Variants in IL1RAPL2 observed in about 807,000 individuals in gnomAD.
The protein encoded by IL1RAPL2 is interleukin 1 receptor accessory protein like 2, also known as X-linked interleukin-1 receptor accessory protein-like 2.
A neutral mutation model predicts 44.1 loss-of-function variants in IL1RAPL2; 3 were observed. The observed-to-expected ratio is 0.07, with a 90% CI of 0.03 to 0.18. The LOEUF (loss-of-function observed/expected upper bound fraction) is 0.18, where lower values mean the gene tolerates loss of function less well. IL1RAPL2 is among the 10% of genes least tolerant of loss of function. The probability of loss-of-function intolerance (pLI) is 1.00; values close to 1 mark genes in which losing one functional copy is unlikely to be tolerated. For missense variants in IL1RAPL2, 391 were observed against 496.4 expected (o/e 0.79, Z 2.02); for synonymous variants, 181 against 178.8 (o/e 1.01, Z -0.10).
chrX:105,133,630 T>C (rs1279166952), intron 2 of IL1RAPL2, among the ~76,000 whole-genome samples: 1 of 111,522 alleles, frequency 9.0e-6, no homozygotes, highest in Non-Finnish European at 1.9e-5. Flanking sequence ...GACTGGGTAA[T>C]TACTAAACAA....
chrX:104,645,496 C>T (rs1001212879), intron 1 of IL1RAPL2, among the ~76,000 whole-genome samples: 1 of 111,919 alleles, frequency 8.9e-6, no homozygotes, highest in Non-Finnish European at 1.9e-5. Context: ...AGGCTATTAC[C>T]TCTTTTTAGA....
intron 3 of IL1RAPL2, among the ~76,000 whole-genome samples, chrX:105,205,755 A>T (rs558574735): frequency 1.9e-5 from 2 of 107,215 alleles, no homozygotes; most frequent in Non-Finnish European, 3.8e-5. Flanking sequence ...TAAAAAGTTG[A>T]TTTTTAAATT....
At chrX:105,313,728 T>C (rs1019045685) in intron 5 of IL1RAPL2, among the ~76,000 whole-genome samples, 1 of 111,778 alleles carries the variant, frequency 8.9e-6, no homozygotes, top group African/African-American at 3.2e-5. Flanking sequence ...TTTTTACAGA[T>C]TTTGTTTAGG....
chrX:105,704,610 ATTTTC>A (rs1161634025), intron 6 of IL1RAPL2, among the ~76,000 whole-genome samples: 7 of 111,217 alleles, frequency 6.3e-5, no homozygotes, highest in African/African-American at 2.3e-4. Context: ...AGAAGCAGCA[ATTTTC>A]TTTTCTTTTA....
At chrX:105,758,923 A>AGCT (rs751512671) in intron 10 of IL1RAPL2, among the ~76,000 whole-genome samples, 1 of 111,931 alleles carries the variant, frequency 8.9e-6, no homozygotes, top group African/African-American at 3.2e-5. Flanking sequence ...TCACCCATGC[A>AGCT]GCTGCTGGTT....
At chrX:104,768,277 A>G (rs1182150895) in intron 2 of IL1RAPL2, among the ~76,000 whole-genome samples, 1 of 111,356 alleles carries the variant, frequency 9.0e-6, no homozygotes, top group African/African-American at 3.3e-5. Context: ...AGCATGTGTG[A>G]TTATTAGAGT....
intron 2 of IL1RAPL2, among the ~76,000 whole-genome samples, chrX:105,166,503 T>C (rs1192237204): frequency 3.6e-5 from 4 of 112,188 alleles, no homozygotes; most frequent in African/African-American, 1.3e-4. Flanking sequence ...ACTGTGCTAT[T>C]TGGAGGAAAG....
At chrX:104,715,475 T>A (rs1011305343) in intron 2 of IL1RAPL2, among the ~76,000 whole-genome samples, 11 of 107,599 alleles carry the variant, frequency 1.0e-4, no homozygotes, top group African/African-American at 3.7e-4. Context: ...GGTTTTTGTG[T>A]CTCTATCTCC....
chrX:104,845,027 A>C (rs1344020883), intron 2 of IL1RAPL2, among the ~76,000 whole-genome samples: 8 of 111,901 alleles, frequency 7.1e-5, no homozygotes, highest in Non-Finnish European at 1.1e-4. Flanking sequence ...CCCTTCCAAC[A>C]AAGTTTTGAC....
intron 2 of IL1RAPL2, among the ~76,000 whole-genome samples, chrX:104,717,407 T>C (rs1184629452): frequency 9.6e-6 from 1 of 104,050 alleles, no homozygotes; most frequent in Non-Finnish European, 2.0e-5. Context: ...AGTTTATCTA[T>C]GTAACAAACC....
At chrX:105,255,544 A>G (rs1016007834) in intron 4 of IL1RAPL2, among the ~76,000 whole-genome samples, 2 of 112,232 alleles carry the variant, frequency 1.8e-5, no homozygotes, top group Non-Finnish European at 3.8e-5. Context: ...CAGCTGAAGG[A>G]GCTTTTGGGC....
intron 2 of IL1RAPL2, among the ~76,000 whole-genome samples, chrX:104,924,609 A>C (rs1924730208): frequency 8.9e-6 from 1 of 111,973 alleles, no homozygotes; most frequent in African/African-American, 3.2e-5. Flanking sequence ...CTTTTGGGTA[A>C]ACAACAAATG....
chrX:104,824,302 A>G (rs1434725210), intron 2 of IL1RAPL2, among the ~76,000 whole-genome samples: 1 of 111,927 alleles, frequency 8.9e-6, no homozygotes, highest in Non-Finnish European at 1.9e-5. Context: ...TATTTTACTG[A>G]GGATTTTTGC....
chrX:105,483,734 G>A (rs1205750811), intron 5 of IL1RAPL2, among the ~76,000 whole-genome samples: 1 of 111,697 alleles, frequency 9.0e-6, no homozygotes, highest in Non-Finnish European at 1.9e-5. Context: ...GTTATAAATT[G>A]AGGGCAAAGA....
chrX:104,601,311 G>A (rs974101793), intron 1 of IL1RAPL2, among the ~76,000 whole-genome samples: 2 of 105,763 alleles, frequency 1.9e-5, no homozygotes, highest in African/African-American at 3.5e-5. Flanking sequence ...CGTGTGTGAT[G>A]TTCCCCTTCC....
intron 3 of IL1RAPL2, among the ~76,000 whole-genome samples, chrX:105,214,311 G>A (rs2033833568): frequency 9.5e-6 from 1 of 104,957 alleles, no homozygotes; most frequent in African/African-American, 3.5e-5. Context: ...AAGAAGCAAG[G>A]GTTGCAATCC....
chrX:105,158,314 G>A (rs1569394756), intron 2 of IL1RAPL2, among the ~76,000 whole-genome samples: 1 of 110,571 alleles, frequency 9.0e-6, no homozygotes, highest in African/African-American at 3.3e-5. Flanking sequence ...AGCCGAGATC[G>A]CGCCACTGCA....
At chrX:104,956,560 C>T (rs2029904396) in intron 2 of IL1RAPL2, among the ~76,000 whole-genome samples, 1 of 107,467 alleles carries the variant, frequency 9.3e-6, no homozygotes, top group Admixed American at 1.0e-4. Flanking sequence ...ATTGCTTGAA[C>T]CTGCGAGGTG....
At chrX:104,720,373 A>G (rs1489136994) in intron 2 of IL1RAPL2, among the ~76,000 whole-genome samples, 1 of 112,023 alleles carries the variant, frequency 8.9e-6, no homozygotes, top group Non-Finnish European at 1.9e-5. Context: ...GAATATCATT[A>G]AAACCTATAA....
Sources: gnomAD v4.1 joint callset for allele counts (sites outside exome capture counted in the v4.1 genomes callset) on GRCh38, gnomAD v4.1.1 for gene constraint, MANE v1.5 for transcripts, NCBI Gene and HGNC (gene_info 2026-07-23, HGNC 2026-07-21) for gene names.